The following ERP44 variants were observed in gnomAD, a reference collection of about 807,000 sequenced individuals.
ERP44 encodes the protein endoplasmic reticulum resident protein 44.
ERP44 carries 25 observed loss-of-function variants against 53.4 expected under a neutral mutation model. That is an observed-to-expected ratio of 0.47 (90% CI 0.34 to 0.65). ERP44 has a LOEUF of 0.65. Among genes scored for constraint, ERP44 ranks in the 30% least tolerant of loss-of-function variants. ERP44 has a pLI of 0.01. For synonymous variants in ERP44, 145 were observed against 161.2 expected, an observed-to-expected ratio of 0.90 and a Z score of 0.76; for missense variants, 338 against 493.2, an observed-to-expected ratio of 0.69 and a Z score of 2.98.
At position 100,018,131 on chromosome 9, in the gene ERP44, T is replaced by C. The variant is rs1027398279; in HGVS notation, c.645+125A>G. 6 of 705,056 alleles carry C rather than the reference T, an allele frequency of 8.5e-6. No homozygotes were observed. In the East Asian group the frequency reaches 1.6e-4, roughly 18 times the overall value. The allele number at this position is 705,056 out of a possible 1,614,324, so 43.7% of individuals were successfully genotyped here. A position where few individuals can be genotyped will look rare whatever the true frequency, so the allele number is the denominator to read the frequency against. On this transcript the variant is annotated intron_variant, in intron 7 of 11. Coordinates refer to ENST00000262455, the MANE Select transcript of ERP44 (RefSeq NM_015051.3). Reference sequence around the variant, plus strand: ...AAGGGTTTAGATCAGCACAAGATGATGCTTCAAACTTCCTTTCAATTCTAA... The same window carrying C: ...AAGGGTTTAGATCAGCACAAGATGACGCTTCAAACTTCCTTTCAATTCTAA...
chr9:100,029,707 A>G (rs1454576351), intron 4 of ERP44, among the ~76,000 whole-genome samples: 2 of 152,360 alleles, frequency 1.3e-5, no homozygotes, highest in East Asian at 1.9e-4. Context: ...TAGCAAGGAC[A>G]TATCTGCACC....
chr9:100,008,216 T>G (rs1380897610), intron 8 of ERP44, among the ~76,000 whole-genome samples: 1 of 152,170 alleles, frequency 6.6e-6, no homozygotes, highest in East Asian at 1.9e-4. Context: ...CTTGAAGTGT[T>G]TTATCCAGGG....
chr9:100,097,618 A>T (rs1180563549), intron 1 of ERP44, among the ~76,000 whole-genome samples: 3 of 152,216 alleles, frequency 2.0e-5, no homozygotes, highest in Non-Finnish European at 2.9e-5. Flanking sequence ...TAATATTACA[A>T]TGTTTATACA....
chr9:100,003,573 TG>T (rs1269240724), intron 10 of ERP44, among the ~76,000 whole-genome samples: 1 of 146,962 alleles, frequency 6.8e-6, no homozygotes, highest in Non-Finnish European at 1.5e-5. Flanking sequence ...AGCAGGTGGG[TG>T]AGCTTGGTGC....
At chr9:100,025,106 C>G (rs1171626244) in intron 4 of ERP44, among the ~76,000 whole-genome samples, 2 of 152,096 alleles carry the variant, frequency 1.3e-5, no homozygotes, top group Non-Finnish European at 2.9e-5. Flanking sequence ...AAAAAATAAT[C>G]CTACAATTAT....
chr9:100,093,146 T>A (rs1050101587), intron 1 of ERP44, among the ~76,000 whole-genome samples: 6 of 152,150 alleles, frequency 3.9e-5, no homozygotes, highest in African/African-American at 1.2e-4. Context: ...CATTTAAAGG[T>A]TGAGCTTCTA....
At chr9:100,015,557 TC>T (rs1830518304) in intron 8 of ERP44, among the ~76,000 whole-genome samples, 1 of 152,240 alleles carries the variant, frequency 6.6e-6, no homozygotes, top group South Asian at 2.1e-4. Context: ...CTACCTGCTT[TC>T]ATTATTTATA....
chr9:100,037,200 CAT>C (rs1825855068), intron 4 of ERP44, among the ~76,000 whole-genome samples: 1 of 152,178 alleles, frequency 6.6e-6, no homozygotes, highest in Admixed American at 6.5e-5. Flanking sequence ...AATTGTGAGA[CAT>C]TGCCTTGAAC....
intron 11 of ERP44, among the ~76,000 whole-genome samples, chr9:99,984,321 T>G (rs1167029018): frequency 6.6e-6 from 1 of 151,964 alleles, no homozygotes; most frequent in African/African-American, 2.4e-5. Context: ...TCATAATCTA[T>G]CAAAATGCAA....
At chr9:100,053,863 T>C (rs1826062381) in intron 3 of ERP44, among the ~76,000 whole-genome samples, 1 of 152,206 alleles carries the variant, frequency 6.6e-6, no homozygotes, top group African/African-American at 2.4e-5. Context: ...TCCAGAGCCC[T>C]TTTCCACCAA....
chr9:100,014,083 T>C lies in ERP44; in HGVS notation c.762+2239A>G, dbSNP rs79883175. Among the ~76,000 whole-genome samples the C allele has an allele frequency of 1.4e-4, 22 of 152,300 alleles. No individual in the cohort carries two copies. In the East Asian group the frequency reaches 2.9e-3, roughly 20 times the overall value. ...GTTCAAAAACAGGAAAAGCTTCCTA[T>C]AGTCCTATTGAAAATAAGTATGGTG... is the stretch of plus-strand genomic sequence containing the variant. On this transcript the variant is annotated intron_variant, in intron 8 of 11. Coordinates refer to ENST00000262455, the MANE Select transcript of ERP44 (RefSeq NM_015051.3).
At chr9:99,983,551 C>CAA (rs59132233) in intron 11 of ERP44, among the ~76,000 whole-genome samples, 679 of 66,708 alleles carry the variant, frequency 0.01, 9 homozygotes, top group African/African-American at 0.041. Flanking sequence ...GACTCCGTCT[C>CAA]AAAAAAAAAA....
chr9:100,029,562 T>C (rs368125813), intron 4 of ERP44, among the ~76,000 whole-genome samples: 20 of 152,306 alleles, frequency 1.3e-4, no homozygotes, highest in African/African-American at 4.8e-4. Flanking sequence ...CATTCACATG[T>C]TGTTGATGAG....
Position 100,052,418 on chromosome 9 carries a change from G to A in ERP44, c.285C>T (p.His95=), listed in dbSNP as rs757340103. 6.3e-7 allele frequency: 1 copy of A among 1,589,150 alleles called. No homozygotes were observed. ...TAGACTTCCTATTGAGGTACTTACA[G>A]TGCTGATCACAATCAACTCTGGCAA... The part of the protein sequence containing the change: ...VVFARVDCDQ[H]SDIAQRYRIS... Residue 95 remains histidine, a splice_region_variant and synonymous_variant, in exon 4 of 12, where the codon CAC becomes CAT. Transcript: ENST00000262455.
rs1207926691 is a variant in ERP44, at chr9:99,981,882, CCTGTCCCAGATTTAG to C, written c.*715_*729del. On this transcript the variant is annotated 3_prime_UTR_variant, in exon 12 of 12. Transcript: ENST00000262455. ...TGGTAGCCTGTTCCACTGTCACCTC[CCTGTCCCAGATTTAG>C]GTATAATTCATTCAAAGTTTTAAAT... is the stretch of plus-strand genomic sequence containing the variant. 7.2e-5 allele frequency: 11 copies of C among 152,282 alleles called. No homozygotes were observed. The East Asian group carries it at 1.9e-3, about 27-fold the overall frequency. 9.4% of individuals were successfully genotyped at this position (152,282 alleles called of 1,614,324 possible). A position where few individuals can be genotyped will look rare whatever the true frequency, so the allele number is the denominator to read the frequency against.
At chr9:100,096,230 C>T (rs950079253) in intron 1 of ERP44, among the ~76,000 whole-genome samples, 1 of 152,048 alleles carries the variant, frequency 6.6e-6, no homozygotes, top group Admixed American at 6.6e-5. Context: ...AAAACTTGTA[C>T]ACAACCAGTG....
chr9:99,996,219 TG>T (rs1830308738), intron 10 of ERP44, among the ~76,000 whole-genome samples: 1 of 152,154 alleles, frequency 6.6e-6, no homozygotes, highest in African/African-American at 2.4e-5. Flanking sequence ...GCCACCCTCA[TG>T]GTAGTTGAGT....
Position 100,057,251 on chromosome 9 carries a change from A to C in ERP44, c.170+569T>G, listed in dbSNP as rs181638239. On this transcript the variant is annotated intron_variant, in intron 3 of 11. Transcript: ENST00000262455. The stretch of plus-strand genomic sequence containing the variant: ...TCTCCCTTCTTCCTATCTCCATGCC[A>C]TATTCTGTAACATCTACTATATACC... Among the ~76,000 whole-genome samples the C allele has an allele frequency of 4.0e-3, 613 of 152,302 alleles. 17 individuals are homozygous for C. Among genetic ancestry groups the C allele is most frequent in the Non-Finnish European group, 6.8e-4 (46 of 68,028 alleles).
At chr9:100,048,461 G>A (rs1390330724) in intron 4 of ERP44, among the ~76,000 whole-genome samples, 1 of 152,006 alleles carries the variant, frequency 6.6e-6, no homozygotes, top group East Asian at 1.9e-4. Flanking sequence ...ATGGTATGAT[G>A]TTTCTTCAAA....
Sources: gnomAD v4.1 joint callset for allele counts (sites outside exome capture counted in the v4.1 genomes callset) on GRCh38, gnomAD v4.1.1 for gene constraint, MANE v1.5 for transcripts, NCBI Gene and HGNC (gene_info 2026-07-23, HGNC 2026-07-21) for gene names.